Variants in CNTN6 observed in about 807,000 individuals in gnomAD.
The protein encoded by CNTN6 is contactin 6, also known as contactin-6.
Under a neutral mutation model 122.8 loss-of-function variants are expected in CNTN6, and 137 were observed. The observed-to-expected ratio is 1.12, with a 90% CI of 0.97 to 1.29. CNTN6 has a LOEUF of 1.29. Ranked by LOEUF, CNTN6 falls within the 50% of genes most tolerant of loss-of-function variation. The pLI is 0.00. For missense variants in CNTN6, 1,634 were observed against 1,223.4 expected (o/e 1.34, Z -5.01); for synonymous variants, 570 against 426.0 (o/e 1.34, Z -4.16).
At chr3:1,297,790 T>C in intron 6 of CNTN6, 99 bp from the exon 7 acceptor site, 1 of 927,620 alleles carries the variant, frequency 1.1e-6, no homozygotes, top group Admixed American at 2.1e-5. Flanking sequence ...CCCTAACTCT[T>C]ATTAAGAAGA....
intron 2 of CNTN6, among the ~76,000 whole-genome samples, chr3:1,215,189 G>A (rs1499101): frequency 0.27 from 41,090 of 151,898 alleles, 7,519 homozygotes; most frequent in African/African-American, 0.53. Flanking sequence ...AAATATTTCT[G>A]GAACATGTTC....
At chr3:1,244,047 T>G (rs1413374316) in intron 4 of CNTN6, among the ~76,000 whole-genome samples, 2 of 152,046 alleles carry the variant, frequency 1.3e-5, no homozygotes, top group Non-Finnish European at 2.9e-5. Flanking sequence ...TCGACAAAAA[T>G]TATTTAGGTC....
intron 5 of CNTN6, among the ~76,000 whole-genome samples, chr3:1,294,338 C>T (rs938610581): frequency 6.6e-6 from 1 of 152,026 alleles, no homozygotes; most frequent in African/African-American, 2.4e-5. Flanking sequence ...TGAAAGAATT[C>T]AGACATAAAA....
At position 1,379,206 on chromosome 3, in the gene CNTN6, G is replaced by A. The variant is rs1189684831; in HGVS notation, c.2166+2131G>A. On this transcript the variant is annotated intron_variant, in intron 17 of 22. Coordinates refer to ENST00000446702, the MANE Select transcript of CNTN6 (RefSeq NM_001289080.2). The stretch of plus-strand genomic sequence containing the variant: ...TTACCAAAGAATACTGTCTTTCCAC[G>A]ATTTATAATGTTCTTTTTTCTTTAA... Among the ~76,000 whole-genome samples, 24 of 152,022 alleles carry A rather than the reference G, an allele frequency of 1.6e-4. 1 individual carries two copies. The highest frequency in any genetic ancestry group is 1.9e-4 in the East Asian group (1 of 5,178).
chr3:1,194,151 A>G (rs578125119), intron 2 of CNTN6, among the ~76,000 whole-genome samples: 2 of 151,342 alleles, frequency 1.3e-5, no homozygotes, highest in South Asian at 4.1e-4. Context: ...TAATCCAGAA[A>G]TGCTATTTAG....
chr3:1,343,527 G>A (rs1192583858), intron 11 of CNTN6, among the ~76,000 whole-genome samples: 1 of 152,098 alleles, frequency 6.6e-6, no homozygotes, highest in Non-Finnish European at 1.5e-5. Context: ...GGACTGAATT[G>A]ATTGATAATA....
chr3:1,119,352 T>TGTGTGTGTGTGTGTGTGTGTGTGG (rs1323991755), intron 1 of CNTN6, among the ~76,000 whole-genome samples: 1 of 150,732 alleles, frequency 6.6e-6, no homozygotes, highest in African/African-American at 2.4e-5. Flanking sequence ...TGTGTGTGTG[T>TGTGTGTGTGTGTGTGTGTGTGTGG]GGAGAATGTC....
intron 20 of CNTN6, among the ~76,000 whole-genome samples, chr3:1,387,436 A>G (rs539980006): frequency 1.3e-5 from 2 of 152,314 alleles, no homozygotes; most frequent in South Asian, 4.1e-4. Context: ...GGAGTGGTTT[A>G]GCTTCTTTCA....
intron 2 of CNTN6, among the ~76,000 whole-genome samples, chr3:1,207,178 C>G (rs1449005445): frequency 6.6e-6 from 1 of 152,012 alleles, no homozygotes. Flanking sequence ...CTCCCAACCC[C>G]CAGCACAAGC....
At chr3:1,119,345 G>GTGTGTGTGTGTGTGTT (rs1322929541) in intron 1 of CNTN6, among the ~76,000 whole-genome samples, 1 of 151,310 alleles carries the variant, frequency 6.6e-6, no homozygotes, top group East Asian at 1.9e-4. Flanking sequence ...GTGTGTGTGT[G>GTGTGTGTGTGTGTGTT]TGTGTGTGGA....
intron 2 of CNTN6, among the ~76,000 whole-genome samples, chr3:1,218,238 C>CA (rs1346957271): frequency 6.6e-6 from 1 of 151,866 alleles, no homozygotes; most frequent in African/African-American, 2.4e-5. Flanking sequence ...AAGAGGGTTC[C>CA]ATTGTTAGGG....
At chr3:1,168,194 C>T (rs148071413) in intron 2 of CNTN6, among the ~76,000 whole-genome samples, 113 of 152,126 alleles carry the variant, frequency 7.4e-4, no homozygotes, top group East Asian at 5.6e-3. Context: ...AGGCGTGACA[C>T]ATCGCGCCCG....
chr3:1,094,749 T>C (rs935179098), intron 1 of CNTN6, among the ~76,000 whole-genome samples: 1 of 151,892 alleles, frequency 6.6e-6, no homozygotes, highest in African/African-American at 2.4e-5. Context: ...ATTAAATTGA[T>C]TGCATACTTC....
chr3:1,174,126 G>C (rs1336944018), intron 2 of CNTN6, among the ~76,000 whole-genome samples: 1 of 152,148 alleles, frequency 6.6e-6, no homozygotes, highest in Non-Finnish European at 1.5e-5. Flanking sequence ...ATTTAATATA[G>C]CCCTTTATAA....
chr3:1,202,758 T>C (rs1356380697), intron 2 of CNTN6, among the ~76,000 whole-genome samples: 1 of 152,064 alleles, frequency 6.6e-6, no homozygotes, highest in Non-Finnish European at 1.5e-5. Flanking sequence ...AATGAACCGG[T>C]TTTCCTGCTC....
chr3:1,361,919 G>A (rs1707524173), intron 12 of CNTN6, among the ~76,000 whole-genome samples: 1 of 151,928 alleles, frequency 6.6e-6, no homozygotes, highest in Admixed American at 6.6e-5. Context: ...GTATAAATCA[G>A]GAATGAAGAA....
intron 10 of CNTN6, 114 bp downstream of exon 10, chr3:1,327,700 A>G: frequency 9.7e-7 from 1 of 1,028,224 alleles, no homozygotes; most frequent in Non-Finnish European, 1.4e-6. Context: ...CCCATCAAAT[A>G]ATGGGAAATG....
At chr3:1,402,713 GA>G (rs532966629) in intron 22 of CNTN6, 14 of 389,998 alleles carry the variant, frequency 3.6e-5, no homozygotes, top group Non-Finnish European at 4.6e-5. Context: ...AAGAGAACAG[GA>G]AAAAAAATCT....
At chr3:1,202,503 C>G (rs1416960097) in intron 2 of CNTN6, among the ~76,000 whole-genome samples, 9 of 150,676 alleles carry the variant, frequency 6.0e-5, no homozygotes, top group Admixed American at 5.9e-4. Flanking sequence ...ATGGCGCCAC[C>G]GCCCTCCAGC....
Sources: allele counts gnomAD v4.1 joint callset (sites outside exome capture counted in the v4.1 genomes callset), GRCh38; gene constraint gnomAD v4.1.1; transcripts MANE v1.5; gene names NCBI Gene and HGNC (gene_info 2026-07-23, HGNC 2026-07-21).